Variants in CADM2 observed in about 807,000 individuals in gnomAD.
The protein encoded by CADM2 is cell adhesion molecule 2.
CADM2 carries 12 observed loss-of-function variants against 49.8 expected under a neutral mutation model. That is an observed-to-expected ratio of 0.24 (90% CI 0.15 to 0.39). The LOEUF (loss-of-function observed/expected upper bound fraction) is 0.39. CADM2 is among the 10% of genes least tolerant of loss of function. CADM2 has a pLI of 1.00. For synonymous variants in CADM2, 214 were observed against 175.4 expected (o/e 1.22, Z -1.74); for missense variants, 378 against 492.3 (o/e 0.77, Z 2.20).
chr3:85,894,232 C>T (rs1714892605), intron 5 of CADM2, among the ~76,000 whole-genome samples: 3 of 152,116 alleles, frequency 2.0e-5, no homozygotes, highest in African/African-American at 4.8e-5. Context: ...TCATTCTCAG[C>T]AAACTATTGC....
At chr3:85,396,055 A>G (rs1048842833) in intron 1 of CADM2, among the ~76,000 whole-genome samples, 4 of 150,650 alleles carry the variant, frequency 2.7e-5, no homozygotes, top group African/African-American at 9.7e-5. Flanking sequence ...GATAATTTAT[A>G]AAATAAATAT....
intron 1 of CADM2, among the ~76,000 whole-genome samples, chr3:85,627,314 G>A (rs1030972462): frequency 2.6e-5 from 4 of 151,942 alleles, no homozygotes; most frequent in African/African-American, 9.7e-5. Flanking sequence ...TGCACATTAA[G>A]ACCACTAACT....
chr3:85,135,898 A>G (rs1161264190), intron 1 of CADM2, among the ~76,000 whole-genome samples: 1 of 152,162 alleles, frequency 6.6e-6, no homozygotes, highest in South Asian at 2.1e-4. Flanking sequence ...AAGTGCCATG[A>G]TCAAGAATTG....
intron 1 of CADM2, among the ~76,000 whole-genome samples, chr3:85,139,281 A>G (rs1020646656): frequency 1.3e-5 from 2 of 152,212 alleles, no homozygotes; most frequent in African/African-American, 4.8e-5. Context: ...GTTTTTTTCA[A>G]GTGAGCCAAG....
At chr3:85,711,838 T>A in intron 1 of CADM2, among the ~76,000 whole-genome samples, 1 of 152,272 alleles carries the variant, frequency 6.6e-6, no homozygotes, top group East Asian at 1.9e-4. Flanking sequence ...TATGATTATC[T>A]TACAGACATA....
intron 3 of CADM2, among the ~76,000 whole-genome samples, chr3:85,869,598 C>A (rs906965410): frequency 6.6e-6 from 1 of 151,988 alleles, no homozygotes; most frequent in East Asian, 1.9e-4. Context: ...AACCACCATG[C>A]TCGTGATTCA....
intron 1 of CADM2, among the ~76,000 whole-genome samples, chr3:85,366,378 A>G (rs2032784776): frequency 6.6e-6 from 1 of 152,170 alleles, no homozygotes; most frequent in Non-Finnish European, 1.5e-5. Flanking sequence ...GTGAAACTGC[A>G]GAAGCCCAAA....
chr3:85,349,802 A>G (rs535611892), intron 1 of CADM2, among the ~76,000 whole-genome samples: 9 of 152,326 alleles, frequency 5.9e-5, no homozygotes, highest in Non-Finnish European at 1.2e-4. Flanking sequence ...GTCAGAATTT[A>G]TGGAGAATTG....
rs377559772 is a variant in CADM2, at chr3:85,591,783, A to T, written c.62-134739A>T. 5.4e-3 allele frequency among the ~76,000 whole-genome samples: 822 copies of T among 152,152 alleles called. 3 individuals are homozygous for T. Among genetic ancestry groups the T allele is most frequent in the Non-Finnish European group, 9.4e-3 (640 of 67,966 alleles). On this transcript the variant is annotated intron_variant, in intron 1 of 9. Coordinates refer to ENST00000383699, the MANE Select transcript of CADM2 (RefSeq NM_001167675.2). ...GCATGGGAGTGAGTCACAGCAAAAGATCTAATAATACTTGTAAAATACACT... is the reference window on the plus strand; with the variant it reads ...GCATGGGAGTGAGTCACAGCAAAAGTTCTAATAATACTTGTAAAATACACT...
At chr3:85,975,970 A>G (rs1393442535) in intron 8 of CADM2, among the ~76,000 whole-genome samples, 1 of 151,580 alleles carries the variant, frequency 6.6e-6, no homozygotes, top group Admixed American at 6.6e-5. Context: ...GGCATATATT[A>G]AGACACTCTG....
intron 7 of CADM2, among the ~76,000 whole-genome samples, chr3:85,942,300 C>T (rs559570253): frequency 2.7e-5 from 4 of 145,642 alleles, no homozygotes; most frequent in Non-Finnish European, 6.0e-5. Context: ...TGGTACCAGC[C>T]ACTGCAAAAC....
At chr3:85,940,501 A>G (rs1375421691) in intron 7 of CADM2, among the ~76,000 whole-genome samples, 1 of 152,124 alleles carries the variant, frequency 6.6e-6, no homozygotes, top group Non-Finnish European at 1.5e-5. Context: ...GTTATCATCT[A>G]GAGTGAAATA....
chr3:85,369,559 C>T (rs544701484), intron 1 of CADM2, among the ~76,000 whole-genome samples: 2 of 152,150 alleles, frequency 1.3e-5, no homozygotes, highest in East Asian at 1.9e-4. Context: ...CACCTGAGGT[C>T]GGGAGTTCGA....
At chr3:85,206,709 T>A (rs572519891) in intron 1 of CADM2, among the ~76,000 whole-genome samples, 1 of 152,266 alleles carries the variant, frequency 6.6e-6, no homozygotes, top group East Asian at 1.9e-4. Flanking sequence ...TTGTCTTTTT[T>A]TCTGTTTTAA....
intron 1 of CADM2, among the ~76,000 whole-genome samples, chr3:85,534,632 T>C (rs2061387480): frequency 6.6e-6 from 1 of 152,172 alleles, no homozygotes; most frequent in Non-Finnish European, 1.5e-5. Flanking sequence ...ATCTAAAATA[T>C]TTACTATCTG....
At chr3:85,470,933 A>C (rs1390845690) in intron 1 of CADM2, among the ~76,000 whole-genome samples, 3 of 152,194 alleles carry the variant, frequency 2.0e-5, no homozygotes, top group African/African-American at 7.2e-5. Flanking sequence ...GTTTTGTGAT[A>C]TATTTAAAAT....
At chr3:85,746,170 T>A (rs937414614) in intron 2 of CADM2, among the ~76,000 whole-genome samples, 1 of 152,204 alleles carries the variant, frequency 6.6e-6, no homozygotes, top group African/African-American at 2.4e-5. Flanking sequence ...TTATGAACAA[T>A]TATTTTATGG....
At chr3:85,762,652 G>GT (rs1235048247) in intron 2 of CADM2, among the ~76,000 whole-genome samples, 8 of 144,916 alleles carry the variant, frequency 5.5e-5, no homozygotes, top group African/African-American at 2.1e-4. Flanking sequence ...TCCTATTAAA[G>GT]TTTTTGTTCT....
chr3:85,564,704 A>AT (rs1210953189), intron 1 of CADM2, among the ~76,000 whole-genome samples: 2 of 152,040 alleles, frequency 1.3e-5, no homozygotes, highest in African/African-American at 4.8e-5. Context: ...TATGTTAATG[A>AT]TTTTTTTAAT....
Sources: gnomAD v4.1 joint callset for allele counts (sites outside exome capture counted in the v4.1 genomes callset) on GRCh38, gnomAD v4.1.1 for gene constraint, MANE v1.5 for transcripts, NCBI Gene and HGNC (gene_info 2026-07-23, HGNC 2026-07-21) for gene names.